PCDHA11: variants seen among roughly 807,000 people sequenced by gnomAD.
PCDHA11 encodes the protein protocadherin alpha-11.
PCDHA11 carries 61 observed loss-of-function variants against 70.3 expected under a neutral mutation model. The observed-to-expected ratio is 0.87, with a 90% CI of 0.71 to 1.07. PCDHA11 has a LOEUF of 1.07. Among genes scored for constraint, PCDHA11 ranks in the 50% least tolerant of loss-of-function variants. The pLI is 0.00. For synonymous variants in PCDHA11, 633 were observed against 555.1 expected (o/e 1.14, Z -1.97); for missense variants, 1,324 against 1,237.5 (o/e 1.07, Z -1.05).
chr5:140,941,421 A>T (rs1399072425), intron 1 of PCDHA11, among the ~76,000 whole-genome samples: 1 of 149,518 alleles, frequency 6.7e-6, no homozygotes, highest in Non-Finnish European at 1.5e-5. Flanking sequence ...GGTTCAAGCA[A>T]TTCTCTGCCT....
chr5:140,978,898 G>A (rs2096827765), intron 1 of PCDHA11, 51 bp from the exon 2 acceptor site: 1 of 1,612,868 alleles, frequency 6.2e-7, no homozygotes. Flanking sequence ...GCATTCCTGG[G>A]AGAACATTGT....
chr5:141,006,282 G>A (rs2098265578), intron 3 of PCDHA11, among the ~76,000 whole-genome samples: 1 of 151,970 alleles, frequency 6.6e-6, no homozygotes, highest in Non-Finnish European at 1.5e-5. Context: ...CACGATCTCA[G>A]CTCACTGCAA....
At chr5:140,926,829 G>A in intron 1 of PCDHA11, 1 of 1,501,192 alleles carries the variant, frequency 6.7e-7, no homozygotes, top group Middle Eastern at 2.1e-4. Context: ...CCAGGAGTCC[G>A]GAGCATGGTC....
At chr5:140,977,619 C>T (rs1289978944) in intron 1 of PCDHA11, among the ~76,000 whole-genome samples, 1 of 152,240 alleles carries the variant, frequency 6.6e-6, no homozygotes, top group African/African-American at 2.4e-5. Context: ...TAAAGTATCC[C>T]AGAGTTGTAA....
chr5:140,969,238 A>G, intron 1 of PCDHA11: 3 of 1,614,222 alleles, frequency 1.9e-6, no homozygotes, highest in South Asian at 1.1e-5. Flanking sequence ...GAGCCCAAGC[A>G]GCAGTGACTG....
Position 140,978,960 on chromosome 5 carries a change from C to G in PCDHA11, c.2403C>G (p.Pro801=), listed in dbSNP as rs560855761. The G allele has an allele frequency of 2.6e-5, 42 of 1,614,120 alleles. No homozygotes were observed. The highest frequency in any genetic ancestry group is 2.5e-4 in the African/African-American group (19 of 75,024). The change falls in exon 2 of 4, where the codon CCC becomes CCG. Residue 801 remains proline, a synonymous_variant. Coordinates refer to ENST00000398640, the MANE Select transcript of PCDHA11 (RefSeq NM_018902.5). ...TTGTGATTTTGCAGCCACGACAGCC[C>G]AACCCTGACTGGCGTTACTCTGCCT... ...GSNHPGQPRQ[P]NPDWRYSASL...
intron 1 of PCDHA11, chr5:140,927,658 C>G (rs782350503): frequency 6.2e-7 from 1 of 1,614,094 alleles, no homozygotes; most frequent in East Asian, 2.2e-5. Context: ...ATTCCGAGTT[C>G]AAGCCTTGGA....
At chr5:140,883,897 G>A in intron 1 of PCDHA11, 1 of 1,613,332 alleles carries the variant, frequency 6.2e-7, no homozygotes, top group Non-Finnish European at 8.5e-7. Flanking sequence ...CTGGCGTGCC[G>A]CCTCTGGGCA....
intron 3 of PCDHA11, among the ~76,000 whole-genome samples, chr5:141,000,558 G>C (rs1462892656): frequency 6.7e-6 from 1 of 149,136 alleles, no homozygotes; most frequent in African/African-American, 2.5e-5. Context: ...CTCCCGAGTA[G>C]CTGGGATTAC....
At chr5:140,945,091 TAAAC>T (rs1467444609) in intron 1 of PCDHA11, among the ~76,000 whole-genome samples, 2 of 152,110 alleles carry the variant, frequency 1.3e-5, no homozygotes, top group African/African-American at 2.4e-5. Context: ...TTGGAACTAA[TAAAC>T]AAAATAAAGT....
intron 1 of PCDHA11, chr5:140,875,367 T>G: frequency 6.9e-7 from 1 of 1,449,166 alleles, no homozygotes; most frequent in Non-Finnish European, 9.1e-7. Flanking sequence ...CTGGAAAAAA[T>G]TTACTAAATA....
intron 1 of PCDHA11, among the ~76,000 whole-genome samples, chr5:140,899,834 G>T (rs181729880): frequency 6.6e-6 from 1 of 152,198 alleles, no homozygotes; most frequent in Admixed American, 6.5e-5. Context: ...TTTGAGACAG[G>T]TCTTGCTGTG....
chr5:140,877,569 C>T (rs782129855), intron 1 of PCDHA11: 1 of 1,613,806 alleles, frequency 6.2e-7, no homozygotes, highest in Admixed American at 1.7e-5. Flanking sequence ...TTAACGTGTA[C>T]CTCATCATCG....
chr5:140,923,644 C>G (rs1554201552), intron 1 of PCDHA11, among the ~76,000 whole-genome samples: 1 of 152,204 alleles, frequency 6.6e-6, no homozygotes. Flanking sequence ...AAATCTTTAG[C>G]CTCCCTTATC....
rs139745274 is a variant in PCDHA11, at chr5:140,994,788, C to T, written c.2539+12225C>T. On this transcript the variant is annotated intron_variant, in intron 3 of 3. Coordinates refer to ENST00000398640, the MANE Select transcript of PCDHA11 (RefSeq NM_018902.5). ...AGAATTCCAGGCAAAGGAAACAATG[C>T]GTGCATGCAAAAACAAAATACAAAA... Among the ~76,000 whole-genome samples, 132 of 152,194 alleles carry T rather than the reference C, an allele frequency of 8.7e-4. 2 individuals carry two copies. The East Asian group carries it at 0.024, about 28-fold the overall frequency.
At chr5:140,945,024 A>G (rs1554216669) in intron 1 of PCDHA11, among the ~76,000 whole-genome samples, 1 of 152,122 alleles carries the variant, frequency 6.6e-6, no homozygotes, top group Non-Finnish European at 1.5e-5. Flanking sequence ...TTTTACTCAG[A>G]CATAATTATC....
intron 3 of PCDHA11, among the ~76,000 whole-genome samples, chr5:141,004,580 A>G (rs782539696): frequency 5.3e-5 from 8 of 152,222 alleles, no homozygotes; most frequent in Non-Finnish European, 1.2e-4. Context: ...TGTGTTCTGC[A>G]TCTCCAGATG....
chr5:141,001,395 A>G (rs1331071816), intron 3 of PCDHA11, among the ~76,000 whole-genome samples: 1 of 152,202 alleles, frequency 6.6e-6, no homozygotes. Flanking sequence ...TCCTACAGAG[A>G]ACAGGGAGTA....
chr5:140,897,716 G>A (rs1554187531), intron 1 of PCDHA11, among the ~76,000 whole-genome samples: 1 of 152,144 alleles, frequency 6.6e-6, no homozygotes, highest in African/African-American at 2.4e-5. Context: ...TAATGGGATG[G>A]CTGGGTCAAA....
Sources: allele counts gnomAD v4.1 joint callset (sites outside exome capture counted in the v4.1 genomes callset), GRCh38; gene constraint gnomAD v4.1.1; transcripts MANE v1.5; gene names NCBI Gene and HGNC (gene_info 2026-07-23, HGNC 2026-07-21).